The following RGS17 variants were observed in gnomAD, a reference collection of about 807,000 sequenced individuals.
The protein encoded by RGS17 is regulator of G-protein signaling 17.
A neutral mutation model predicts 25.5 loss-of-function variants in RGS17; 12 were observed. The observed-to-expected ratio is 0.47, with a 90% CI of 0.30 to 0.76. RGS17 has a LOEUF of 0.76. Among genes scored for constraint, RGS17 ranks in the 30% least tolerant of loss-of-function variants. The pLI is 0.07. For missense variants in RGS17, 196 were observed against 242.2 expected (o/e 0.81, Z 1.27); for synonymous variants, 71 against 76.9 (o/e 0.92, Z 0.40).
chr6:153,107,112 C>T (rs1777395805), intron 1 of RGS17, among the ~76,000 whole-genome samples: 1 of 151,760 alleles, frequency 6.6e-6, no homozygotes, highest in Non-Finnish European at 1.5e-5. Context: ...GAGGGTTAAT[C>T]ACCTGAGGTC....
Position 153,008,719 on chromosome 6 carries a change from C to CTAAT in RGS17, c.*2851_*2854dup, listed in dbSNP as rs1779102704. 6.6e-6 allele frequency: 1 copy of CTAAT among 152,148 alleles called. No homozygotes were observed. Among genetic ancestry groups the CTAAT allele is most frequent in the Admixed American group, 6.5e-5 (1 of 15,272 alleles). The allele number at this position is 152,148 out of a possible 1,614,324, so 9.4% of individuals were successfully genotyped here. The stretch of plus-strand genomic sequence containing the variant: ...AACACAAAGTGTCCATTTTAAAGTG[C>CTAAT]TAATTTTTCCCCAGGGAGGAATTTA... On this transcript the variant is annotated 3_prime_UTR_variant, in exon 5 of 5. Transcript: ENST00000206262.
chr6:153,071,111 CTT>C (rs767067204), intron 1 of RGS17, among the ~76,000 whole-genome samples: 10 of 148,906 alleles, frequency 6.7e-5, no homozygotes, highest in East Asian at 2.0e-4. Context: ...TCATATATAT[CTT>C]AATATATAAG....
intron 1 of RGS17, among the ~76,000 whole-genome samples, chr6:153,100,280 A>G (rs760760606): frequency 6.6e-6 from 1 of 152,206 alleles, no homozygotes; most frequent in African/African-American, 2.4e-5. Context: ...GTAAGAGGCA[A>G]TAATAAACTC....
chr6:153,019,472 C>T (rs1779217291), intron 4 of RGS17, among the ~76,000 whole-genome samples: 2 of 152,152 alleles, frequency 1.3e-5, no homozygotes, highest in African/African-American at 4.8e-5. Flanking sequence ...ACCCTAATCA[C>T]AGGTTGAAAT....
At chr6:153,119,072 C>A (rs1293115962) in intron 1 of RGS17, among the ~76,000 whole-genome samples, 1 of 152,154 alleles carries the variant, frequency 6.6e-6, no homozygotes, top group Non-Finnish European at 1.5e-5. Flanking sequence ...CCCATTCATG[C>A]AGATATGCTC....
At chr6:153,124,451 C>T (rs937523525) in intron 1 of RGS17, among the ~76,000 whole-genome samples, 18 of 152,188 alleles carry the variant, frequency 1.2e-4, no homozygotes, top group Admixed American at 1.1e-3. Flanking sequence ...ATTAAAACCC[C>T]TTCAAGCCCT....
At chr6:153,102,866 T>C (rs547926520) in intron 1 of RGS17, among the ~76,000 whole-genome samples, 21 of 152,376 alleles carry the variant, frequency 1.4e-4, no homozygotes, top group African/African-American at 5.0e-4. Flanking sequence ...TTATGCATTC[T>C]ATCTTAAAAT....
In RGS17 at chr6:153,052,643, CTT is replaced by C. The variant is rs1776476872; in HGVS notation, c.-25-8602_-25-8601del. Among the ~76,000 whole-genome samples the C allele has an allele frequency of 3.3e-5, 5 of 152,102 alleles. 2 individuals are homozygous for C. In the South Asian group the frequency reaches 1.0e-3, roughly 32 times the overall value. On this transcript the variant is annotated intron_variant, in intron 1 of 4. Coordinates refer to ENST00000206262, the MANE Select transcript of RGS17 (RefSeq NM_012419.5). Reference sequence around the variant, plus strand: ...TGATTTAGATGATAGTTAGATAAGACTTTGGACTTCAGACTTGAGAACCAATG... The same window carrying C: ...TGATTTAGATGATAGTTAGATAAGACTGGACTTCAGACTTGAGAACCAATG...
intron 1 of RGS17, among the ~76,000 whole-genome samples, chr6:153,058,010 G>C (rs1776583446): frequency 6.6e-6 from 1 of 152,152 alleles, no homozygotes; most frequent in African/African-American, 2.4e-5. Flanking sequence ...CCAGGGGTTG[G>C]GGACCCCTGA....
At chr6:153,024,626 A>G (rs1355443663) in intron 3 of RGS17, 130 bp from the exon 4 acceptor site, 1 of 677,930 alleles carries the variant, frequency 1.5e-6, no homozygotes, top group Admixed American at 2.8e-5. Context: ...TTTGCCACTC[A>G]GTCCAGCCTG....
At chr6:153,112,472 G>A (rs1484412959) in intron 1 of RGS17, among the ~76,000 whole-genome samples, 1 of 152,140 alleles carries the variant, frequency 6.6e-6, no homozygotes, top group Non-Finnish European at 1.5e-5. Flanking sequence ...GTGACAGGGA[G>A]AATAGAACCA....
intron 1 of RGS17, among the ~76,000 whole-genome samples, chr6:153,084,183 A>G (rs1562329613): frequency 2.0e-5 from 3 of 152,182 alleles, no homozygotes; most frequent in Non-Finnish European, 2.9e-5. Flanking sequence ...ACTACCATCC[A>G]GCCTGGAGCT....
At chr6:153,092,475 G>A (rs1777146362) in intron 1 of RGS17, among the ~76,000 whole-genome samples, 1 of 152,164 alleles carries the variant, frequency 6.6e-6, no homozygotes, top group African/African-American at 2.4e-5. Context: ...GCAACTGCCT[G>A]TGAGTTAATG....
chr6:153,128,294 T>C (rs1462965443), intron 1 of RGS17, among the ~76,000 whole-genome samples: 7 of 152,346 alleles, frequency 4.6e-5, no homozygotes, highest in East Asian at 1.9e-4. Flanking sequence ...TCTGGGTATA[T>C]AGCGGTCCTT....
chr6:153,050,196 A>C (rs1347771052), intron 1 of RGS17, among the ~76,000 whole-genome samples: 2 of 152,198 alleles, frequency 1.3e-5, no homozygotes, highest in African/African-American at 2.4e-5. Context: ...ATAAAAACGT[A>C]GACTATAGCT....
At chr6:153,054,650 C>CAAATAAATAAATAAAT (rs55901939) in intron 1 of RGS17, among the ~76,000 whole-genome samples, 10 of 141,858 alleles carry the variant, frequency 7.0e-5, no homozygotes, top group East Asian at 4.2e-4. Context: ...GACTTCATCT[C>CAAATAAATAAATAAAT]AAATAAATAA....
intron 1 of RGS17, among the ~76,000 whole-genome samples, chr6:153,053,812 AAAAG>A (rs1451048415): frequency 1.3e-5 from 2 of 150,182 alleles, no homozygotes; most frequent in Non-Finnish European, 3.0e-5. Context: ...AGAAAAAAGA[AAAAG>A]AAAGAAAGAA....
At chr6:153,080,420 T>C (rs990240778) in intron 1 of RGS17, among the ~76,000 whole-genome samples, 1 of 152,166 alleles carries the variant, frequency 6.6e-6, no homozygotes, top group Non-Finnish European at 1.5e-5. Flanking sequence ...ATTCTTGATA[T>C]TGGTAATTTC....
At chr6:153,117,556 T>G (rs1777563229) in intron 1 of RGS17, among the ~76,000 whole-genome samples, 1 of 152,226 alleles carries the variant, frequency 6.6e-6, no homozygotes, top group South Asian at 2.1e-4. Flanking sequence ...TCATGATCAA[T>G]TCATATTAGT....
Sources: gnomAD v4.1 joint callset for allele counts (sites outside exome capture counted in the v4.1 genomes callset) on GRCh38, gnomAD v4.1.1 for gene constraint, MANE v1.5 for transcripts, NCBI Gene and HGNC (gene_info 2026-07-23, HGNC 2026-07-21) for gene names.